The following EFCAB3 variants were observed in gnomAD, a reference collection of about 807,000 sequenced individuals.
The protein encoded by EFCAB3 is EF-hand calcium-binding domain-containing protein 3.
EFCAB3 carries 36 observed loss-of-function variants against 42.2 expected under a neutral mutation model. The observed-to-expected ratio is 0.85, with a 90% CI of 0.65 to 1.13. The LOEUF (loss-of-function observed/expected upper bound fraction) is 1.13, where lower values mean the gene tolerates loss of function less well. Ranked by LOEUF, EFCAB3 falls within the 50% of genes most tolerant of loss-of-function variation. EFCAB3 has a pLI of 0.00. For synonymous variants in EFCAB3, 170 were observed against 172.8 expected, an observed-to-expected ratio of 0.98 and a Z score of 0.13; for missense variants, 418 against 505.1, an observed-to-expected ratio of 0.83 and a Z score of 1.65.
chr17:62,379,732 A>G (rs1429283450), upstream of EFCAB3, among the ~76,000 whole-genome samples: 1 of 152,176 alleles, frequency 6.6e-6, no homozygotes, highest in Non-Finnish European at 1.5e-5. Flanking sequence ...GCCATGATAG[A>G]CTAAAGACAC....
In EFCAB3 at chr17:62,397,372, C is replaced by T. The variant is rs972921999; in HGVS notation, c.488+2184C>T. ...CCATCTCTACAAAAATTAGCTCTTT[C>T]ACTCAGGCCCGTGGTGCCAGCAGGA... On this transcript the variant is annotated intron_variant, in intron 6 of 9. Transcript: ENST00000305286. 1.5e-5 allele frequency: 5 copies of T among 336,150 alleles called. No individual in the cohort carries two copies. The East Asian group carries it at 3.0e-4, about 20-fold the overall frequency. The allele number at this position is 336,150 out of a possible 1,614,324, so 20.8% of individuals were successfully genotyped here. A position where few individuals can be genotyped will look rare whatever the true frequency, so the allele number is the denominator to read the frequency against.
At chr17:62,378,781 G>T, upstream of EFCAB3, among the ~76,000 whole-genome samples, 1 of 151,416 alleles carries the variant, frequency 6.6e-6, no homozygotes, top group Non-Finnish European at 1.5e-5. Context: ...TAGGGGGGTG[G>T]GGGGCTAGGG....
intron 4 of EFCAB3, 105 bp downstream of exon 4, chr17:62,392,070 GC>G (rs927951426): frequency 4.8e-5 from 49 of 1,027,694 alleles, no homozygotes; most frequent in East Asian, 1.8e-4. Context: ...TTATTTACTT[GC>G]CCCCCCAAAT....
At chr17:62,392,079 A>AAT (rs1360372132) in intron 4 of EFCAB3, 114 bp downstream of exon 4, 150 of 807,200 alleles carry the variant, frequency 1.9e-4, no homozygotes, top group South Asian at 2.6e-4. Flanking sequence ...TGCCCCCCCA[A>AAT]ATATATATAT....
At chr17:62,388,965 C>G (rs1320280061) in intron 3 of EFCAB3, among the ~76,000 whole-genome samples, 2 of 152,156 alleles carry the variant, frequency 1.3e-5, no homozygotes, top group Non-Finnish European at 2.9e-5. Context: ...CAGGCAGACG[C>G]AGAAATGATG....
At chr17:62,408,542 A>G (rs2070467832) in intron 8 of EFCAB3, among the ~76,000 whole-genome samples, 1 of 152,228 alleles carries the variant, frequency 6.6e-6, no homozygotes. Flanking sequence ...TGTAGCCACT[A>G]GTAGCTGTTT....
At chr17:62,390,803 C>T (rs956688837) in intron 3 of EFCAB3, among the ~76,000 whole-genome samples, 101 of 152,174 alleles carry the variant, frequency 6.6e-4, no homozygotes, top group Non-Finnish European at 7.6e-4. Context: ...AGATTAATCA[C>T]TGTTATACAT....
intron 1 of EFCAB3, among the ~76,000 whole-genome samples, chr17:62,372,577 G>A (rs893807732): frequency 1.3e-5 from 2 of 151,914 alleles, no homozygotes; most frequent in Non-Finnish European, 2.9e-5. Flanking sequence ...CACCGCGCCC[G>A]GCCAGTTGAA....
At chr17:62,371,127 G>T (rs1037708176) in intron 1 of EFCAB3, among the ~76,000 whole-genome samples, 5 of 151,432 alleles carry the variant, frequency 3.3e-5, no homozygotes, top group Non-Finnish European at 5.9e-5. Context: ...GCAGATTTTG[G>T]TTCAAGAATA....
intron 1 of EFCAB3, among the ~76,000 whole-genome samples, chr17:62,370,846 G>C (rs1457642000): frequency 6.6e-6 from 1 of 151,604 alleles, no homozygotes; most frequent in Non-Finnish European, 1.5e-5. Context: ...CCAGTGCTTT[G>C]GAGGGCTGAG....
At chr17:62,414,665 T>C (rs1013551038) in intron 9 of EFCAB3, among the ~76,000 whole-genome samples, 1 of 152,094 alleles carries the variant, frequency 6.6e-6, no homozygotes, top group African/African-American at 2.4e-5. Context: ...TGCAGGTTTG[T>C]TATGAGAGTA....
At chr17:62,403,813 T>C (rs145312256) in intron 6 of EFCAB3, among the ~76,000 whole-genome samples, 22 of 152,280 alleles carry the variant, frequency 1.4e-4, no homozygotes, top group African/African-American at 4.1e-4. Flanking sequence ...CATGCCTGGC[T>C]AATCTTTGTA....
At chr17:62,411,261 T>C (rs893363923) in intron 8 of EFCAB3, among the ~76,000 whole-genome samples, 2 of 152,220 alleles carry the variant, frequency 1.3e-5, no homozygotes, top group Admixed American at 6.5e-5. Context: ...TAATTTGATA[T>C]AGCAGATCTT....
chr17:62,405,356 C>G (rs1052468128), intron 6 of EFCAB3, among the ~76,000 whole-genome samples: 1 of 152,208 alleles, frequency 6.6e-6, no homozygotes, highest in Non-Finnish European at 1.5e-5. Context: ...TGAGTCCTTT[C>G]CCTCTTCCTG....
chr17:62,381,683 C>A (rs2070200719), intron 1 of EFCAB3: 3 of 211,946 alleles, frequency 1.4e-5, no homozygotes, highest in Non-Finnish European at 2.9e-5. Context: ...GCTCGGTCAC[C>A]TCCCTCCTGC....
intron 9 of EFCAB3, among the ~76,000 whole-genome samples, chr17:62,414,193 A>G (rs1489540989): frequency 6.6e-6 from 1 of 152,250 alleles, no homozygotes; most frequent in African/African-American, 2.4e-5. Context: ...ATTCATGGTG[A>G]AAGAATCTTA....
At chr17:62,402,687 T>G (rs2070414400) in intron 6 of EFCAB3, among the ~76,000 whole-genome samples, 1 of 152,176 alleles carries the variant, frequency 6.6e-6, no homozygotes, top group South Asian at 2.1e-4. Context: ...CTGGATTCGG[T>G]TTGCCAGTAT....
At chr17:62,411,277 G>A (rs2070492931) in intron 8 of EFCAB3, among the ~76,000 whole-genome samples, 1 of 152,174 alleles carries the variant, frequency 6.6e-6, no homozygotes, top group Non-Finnish European at 1.5e-5. Flanking sequence ...ATCTTTAAAA[G>A]ACTGTAAAAC....
Position 62,395,132 on chromosome 17 carries a change from A to T in EFCAB3, c.432A>T (p.Leu144=), listed in dbSNP as rs1463862155. Residue 144 remains leucine (L), a synonymous_variant, in exon 6 of 10, where the codon CTA becomes CTT. Transcript: ENST00000305286. ...CAGGAATCCTATTGTTTGAAATCCT[A>T]TCAAGGCTTCTAGAGACTTCAGCCC... is the stretch of plus-strand genomic sequence containing the variant. ...GNPGILLFEI[L]SRLLETSALP... is the part of the protein sequence containing the mutation. 1 of 1,614,126 alleles carries T rather than the reference A, an allele frequency of 6.2e-7. No homozygotes were observed. The highest frequency in any genetic ancestry group is 1.6e-4 in the Middle Eastern group (1 of 6,062).
Sources: gnomAD v4.1 joint callset for allele counts (sites outside exome capture counted in the v4.1 genomes callset) on GRCh38, gnomAD v4.1.1 for gene constraint, MANE v1.5 for transcripts, NCBI Gene and HGNC (gene_info 2026-07-23, HGNC 2026-07-21) for gene names.